The following SLIT2 variants were observed in gnomAD, a reference collection of about 807,000 sequenced individuals.
SLIT2 encodes slit homolog 2 protein.
SLIT2 carries 41 observed loss-of-function variants against 185.7 expected under a neutral mutation model. That is an observed-to-expected ratio of 0.22 (90% confidence interval 0.17 to 0.29). SLIT2 has a LOEUF of 0.29. SLIT2 is among the 10% of genes least tolerant of loss of function. The pLI is 1.00. For missense variants in SLIT2, 1,571 were observed against 1,909.0 expected (o/e 0.82, Z 3.30); for synonymous variants, 693 against 680.2 (o/e 1.02, Z -0.29).
chr4:20,542,836 GT>G (rs1425411381), intron 21 of SLIT2, among the ~76,000 whole-genome samples: 3 of 87,206 alleles, frequency 3.4e-5, no homozygotes, highest in Non-Finnish European at 6.4e-5. Context: ...GTGTGTGTGT[GT>G]GTGTGTGTGT....
rs186615710 is a variant in SLIT2 at position 20,550,874 on chromosome 4, A to G, written c.2537A>G (p.Asn846Ser). ...DISVVPEGAF[N>S]DLSALSHLAI... Reference sequence around the variant, plus strand: ...TCTGTTGTGCCTGAAGGTGCTTTCAATGATCTTTCTGCATTATCACATCTG... The same window carrying G: ...TCTGTTGTGCCTGAAGGTGCTTTCAGTGATCTTTCTGCATTATCACATCTG... Residue 846 changes from asparagine (N) to serine (S), a missense_variant, in exon 25 of 37, where the codon AAT becomes AGT. Asn to Ser is a conservative substitution (Grantham distance 46, BLOSUM62 1). Transcript: ENST00000504154. 12 of 1,607,344 alleles carry G rather than the reference A, an allele frequency of 7.5e-6. No individual in the cohort carries two copies. Among genetic ancestry groups the G allele is most frequent in the East Asian group, 4.5e-5 (2 of 44,710 alleles).
chr4:20,546,063 C>G lies in SLIT2; in HGVS notation c.2309C>G (p.Pro770Arg). ...YLDGNQFTLVPKELSNYKHLT... is the reference protein window; with the variant it reads ...YLDGNQFTLVRKELSNYKHLT... Reference sequence around the variant, plus strand: ...GATGGAAACCAATTTACACTGGTTCCCAAGGAACTCTCCAACTACAAACAT... The same window carrying G: ...GATGGAAACCAATTTACACTGGTTCGCAAGGAACTCTCCAACTACAAACAT... Residue 770 changes from proline to arginine, a missense_variant, in exon 22 of 37, where the codon CCC becomes CGC. Coordinates refer to ENST00000504154, the MANE Select transcript of SLIT2 (RefSeq NM_004787.4). 1 of 1,586,628 alleles carries G rather than the reference C, an allele frequency of 6.3e-7. No homozygotes were observed.
chr4:20,469,131 A>G (rs1329501599), intron 5 of SLIT2, among the ~76,000 whole-genome samples: 1 of 152,192 alleles, frequency 6.6e-6, no homozygotes, highest in East Asian at 1.9e-4. Context: ...TAGGGCTTCA[A>G]GAAGTCTTCA....
chr4:20,333,722 A>T (rs1320688235), intron 4 of SLIT2, among the ~76,000 whole-genome samples: 13 of 152,170 alleles, frequency 8.5e-5, no homozygotes, highest in African/African-American at 2.9e-4. Flanking sequence ...TCAAGCTTTG[A>T]GCCATAGACA....
chr4:20,579,357 TAAC>T (rs1343004719), intron 29 of SLIT2, among the ~76,000 whole-genome samples: 1 of 151,846 alleles, frequency 6.6e-6, no homozygotes, highest in Non-Finnish European at 1.5e-5. Context: ...TGTCTGTAAT[TAAC>T]ACAGCTTATT....
At chr4:20,519,659 A>C (rs574944437) in intron 12 of SLIT2, among the ~76,000 whole-genome samples, 3 of 152,160 alleles carry the variant, frequency 2.0e-5, no homozygotes, top group Admixed American at 6.6e-5. Flanking sequence ...AACCAATTTT[A>C]TCTACACTAT....
chr4:20,367,975 C>T (rs1472852527), intron 4 of SLIT2, among the ~76,000 whole-genome samples: 1 of 151,994 alleles, frequency 6.6e-6, no homozygotes, highest in Non-Finnish European at 1.5e-5. Context: ...TGATTAGTTT[C>T]CAAAGAAAGA....
In SLIT2 at chr4:20,542,565, C is replaced by T. The variant is rs746149700; in HGVS notation, c.2215C>T (p.Arg739Ter). 1 of 1,613,722 alleles carries T rather than the reference C, an allele frequency of 6.2e-7. No homozygotes were observed. Among genetic ancestry groups the T allele is most frequent in the Non-Finnish European group, 8.5e-7 (1 of 1,179,766 alleles). ...ATGTACTTGCTTGGATACAGTCGTC[C>T]GATGTAGCAACAAGGGTTTGAAGGT... ...TECTCLDTVV[R>*]CSNKGLKVLP... Residue 739 changes from arginine to a stop codon, truncating the protein, a stop_gained, in exon 21 of 37, where the codon CGA (arginine) becomes TGA (stop). Transcript: ENST00000504154. LOFTEE classifies it high-confidence loss of function.
At chr4:20,524,884 T>C (rs1444983911) in intron 14 of SLIT2, among the ~76,000 whole-genome samples, 2 of 152,208 alleles carry the variant, frequency 1.3e-5, no homozygotes, top group Non-Finnish European at 2.9e-5. Context: ...TTTGGTACTA[T>C]GCTACCTAAC....
intron 29 of SLIT2, among the ~76,000 whole-genome samples, chr4:20,589,037 G>T (rs1188028054): frequency 6.6e-6 from 1 of 152,166 alleles, no homozygotes; most frequent in Non-Finnish European, 1.5e-5. Context: ...AGACTATGAA[G>T]ATTTGAGAAT....
intron 29 of SLIT2, among the ~76,000 whole-genome samples, chr4:20,580,318 A>C (rs1334762960): frequency 2.0e-5 from 3 of 151,552 alleles, no homozygotes; most frequent in African/African-American, 7.3e-5. Context: ...GATTACAGGC[A>C]TGAGCCACTG....
chr4:20,399,624 T>A (rs1726190128), intron 4 of SLIT2, among the ~76,000 whole-genome samples: 1 of 151,824 alleles, frequency 6.6e-6, no homozygotes, highest in Admixed American at 6.6e-5. Context: ...TCAATCATTA[T>A]AATATGGTCT....
intron 9 of SLIT2, among the ~76,000 whole-genome samples, chr4:20,497,264 A>G (rs943616590): frequency 4.1e-4 from 4 of 9,844 alleles, no homozygotes; most frequent in African/African-American, 6.5e-4. Context: ...AAACTTGGGA[A>G]AAAAAAAAAC....
chr4:20,617,731 G>T, intron 36 of SLIT2, 81 bp downstream of exon 36: 88 of 425,232 alleles, frequency 2.1e-4, no homozygotes, highest in Middle Eastern at 6.5e-4. Flanking sequence ...GGGAGAAAAA[G>T]TGAAAAAAAA....
intron 28 of SLIT2, 87 bp downstream of exon 28, chr4:20,567,702 G>C (rs2148914224): frequency 1.9e-6 from 2 of 1,027,708 alleles, no homozygotes; most frequent in East Asian, 4.8e-5. Context: ...TCAAATCAAA[G>C]GACAGTATTT....
chr4:20,313,511 T>G (rs568578109), intron 4 of SLIT2, among the ~76,000 whole-genome samples: 1 of 152,254 alleles, frequency 6.6e-6, no homozygotes, highest in African/African-American at 2.4e-5. Flanking sequence ...CAATGTGAGA[T>G]TTGGAGGCAG....
At chr4:20,328,475 TGTTA>T (rs1369533186) in intron 4 of SLIT2, among the ~76,000 whole-genome samples, 2 of 152,046 alleles carry the variant, frequency 1.3e-5, no homozygotes, top group African/African-American at 4.8e-5. Flanking sequence ...GGTTCAAAAA[TGTTA>T]GTTAATGTAC....
At chr4:20,589,306 A>G (rs1015122164) in intron 29 of SLIT2, among the ~76,000 whole-genome samples, 2 of 152,138 alleles carry the variant, frequency 1.3e-5, no homozygotes. Flanking sequence ...GGTCTATGCT[A>G]TATATCAAGA....
intron 36 of SLIT2, among the ~76,000 whole-genome samples, chr4:20,618,349 G>C (rs965444076): frequency 2.6e-5 from 4 of 152,164 alleles, no homozygotes; most frequent in African/African-American, 9.7e-5. Flanking sequence ...TTAATGGAAT[G>C]TTACTTGTAT....
Sources: allele counts gnomAD v4.1 joint callset (sites outside exome capture counted in the v4.1 genomes callset), GRCh38; gene constraint gnomAD v4.1.1; transcripts MANE v1.5; gene names NCBI Gene and HGNC (gene_info 2026-07-23, HGNC 2026-07-21).